Variants in TAFA4 observed in about 807,000 individuals in gnomAD.
TAFA4 encodes TAFA chemokine like family member 4, also known as chemokine-like protein TAFA-4.
A neutral mutation model predicts 21.1 loss-of-function variants in TAFA4; 20 were observed. The observed-to-expected ratio is 0.95, with a 90% CI of 0.67 to 1.38. The LOEUF is 1.38. Ranked by LOEUF, TAFA4 falls within the 40% of genes most tolerant of loss-of-function variation. The pLI is 0.00. For missense variants in TAFA4, 211 were observed against 180.9 expected, an observed-to-expected ratio of 1.17 and a Z score of -0.95; for synonymous variants, 71 against 67.4, an observed-to-expected ratio of 1.05 and a Z score of -0.26.
intron 1 of TAFA4, among the ~76,000 whole-genome samples, chr3:68,894,859 T>TGTTTG (rs1184905089): frequency 9.2e-5 from 14 of 152,088 alleles, no homozygotes; most frequent in African/African-American, 3.4e-4. Context: ...TGTTTTGTTT[T>TGTTTG]GTTTTGTTTT....
intron 3 of TAFA4, among the ~76,000 whole-genome samples, chr3:68,759,919 A>G (rs1247190989): frequency 6.6e-6 from 1 of 152,022 alleles, no homozygotes; most frequent in Non-Finnish European, 1.5e-5. Context: ...ATTTCTATTT[A>G]TTTTACCAAC....
intron 3 of TAFA4, among the ~76,000 whole-genome samples, chr3:68,843,230 T>G (rs563157068): frequency 6.6e-6 from 1 of 152,324 alleles, no homozygotes; most frequent in African/African-American, 2.4e-5. Context: ...TAGTTCCCCA[T>G]GAGGACGTCC....
chr3:68,797,639 G>GC (rs1418962654), intron 3 of TAFA4, among the ~76,000 whole-genome samples: 2 of 149,668 alleles, frequency 1.3e-5, no homozygotes, highest in Non-Finnish European at 3.0e-5. Context: ...AAAAAGGAAG[G>GC]CAGTTCTGAC....
chr3:68,857,902 T>G (rs1407709479), intron 3 of TAFA4, among the ~76,000 whole-genome samples: 1 of 152,114 alleles, frequency 6.6e-6, no homozygotes, highest in Admixed American at 6.5e-5. Flanking sequence ...AAGCTCTGAT[T>G]CTAGTTCAGA....
At chr3:68,912,845 C>A (rs2089972907) in intron 1 of TAFA4, among the ~76,000 whole-genome samples, 1 of 152,280 alleles carries the variant, frequency 6.6e-6, no homozygotes, top group Non-Finnish European at 1.5e-5. Flanking sequence ...ACTGAGTTTT[C>A]TAGTATTTTC....
At chr3:68,761,923 A>T (rs1702761682) in intron 3 of TAFA4, among the ~76,000 whole-genome samples, 1 of 152,178 alleles carries the variant, frequency 6.6e-6, no homozygotes, top group African/African-American at 2.4e-5. Context: ...TTTGAACAAG[A>T]ATGGAGTCGT....
chr3:68,823,167 G>A (rs760606709), intron 3 of TAFA4, among the ~76,000 whole-genome samples: 7 of 152,086 alleles, frequency 4.6e-5, no homozygotes, highest in Non-Finnish European at 8.8e-5. Context: ...AGGCTTGAAG[G>A]GGTCGACAGA....
intron 3 of TAFA4, among the ~76,000 whole-genome samples, chr3:68,849,782 A>G (rs1180226674): frequency 6.6e-6 from 1 of 152,174 alleles, no homozygotes; most frequent in African/African-American, 2.4e-5. Context: ...CTTCATTCAC[A>G]TTGTATCTTA....
At chr3:68,768,024 A>G (rs576219508) in intron 3 of TAFA4, among the ~76,000 whole-genome samples, 171 of 152,234 alleles carry the variant, frequency 1.1e-3, no homozygotes, top group African/African-American at 3.9e-3. Flanking sequence ...TGCACACACA[A>G]CTTGTTATAA....
At position 68,803,033 on chromosome 3, in the gene TAFA4, C is replaced by T. The variant is rs140807956; in HGVS notation, c.131-50015G>A. 3.3e-3 allele frequency among the ~76,000 whole-genome samples: 503 copies of T among 152,234 alleles called. 1 individual carries two copies. The highest frequency in any genetic ancestry group is 0.012 in the African/African-American group (483 of 41,542). ...TGTTCTAGCTTTTTTTCCCTTGTTC[C>T]CTTCTTCCTAATTCAGTACCTGAAA... On this transcript the variant is annotated intron_variant, in intron 3 of 5. Coordinates refer to ENST00000295569, the MANE Select transcript of TAFA4 (RefSeq NM_182522.5).
At chr3:68,809,648 A>T (rs1358409912) in intron 3 of TAFA4, among the ~76,000 whole-genome samples, 1 of 151,762 alleles carries the variant, frequency 6.6e-6, no homozygotes, top group Non-Finnish European at 1.5e-5. Flanking sequence ...GATCAGTGTC[A>T]TAAAGCTTTT....
At position 68,879,123 on chromosome 3, in the gene TAFA4, A is replaced by T. The variant is rs371094267; in HGVS notation, c.130+1607T>A. ...GCCATCATTTCTTTAATTGGCCAGC[A>T]CTAACCATGAAGCCCATGGGACAGT... is the stretch of plus-strand genomic sequence containing the variant. On this transcript the variant is annotated intron_variant, in intron 3 of 5. Transcript: ENST00000295569. 2.0e-4 allele frequency among the ~76,000 whole-genome samples: 30 copies of T among 152,272 alleles called. No homozygotes were observed. In the South Asian group the frequency reaches 3.7e-3, roughly 19 times the overall value.
intron 3 of TAFA4, among the ~76,000 whole-genome samples, chr3:68,809,411 A>G (rs1001697331): frequency 6.6e-6 from 1 of 152,200 alleles, no homozygotes; most frequent in Admixed American, 6.6e-5. Flanking sequence ...ACTTGTCTAG[A>G]AATATAATTG....
chr3:68,899,702 A>G (rs2089825592), intron 1 of TAFA4, among the ~76,000 whole-genome samples: 1 of 152,182 alleles, frequency 6.6e-6, no homozygotes, highest in Admixed American at 6.5e-5. Flanking sequence ...TCACGATCCC[A>G]TAACTCCAAC....
chr3:68,781,454 T>A (rs991808), intron 3 of TAFA4, among the ~76,000 whole-genome samples: 104,525 of 151,854 alleles, frequency 0.69, 36,502 homozygotes, highest in East Asian at 0.98. Context: ...ACATCACTAC[T>A]GATTATATTG....
At chr3:68,745,485 A>T (rs1702440994) in intron 4 of TAFA4, among the ~76,000 whole-genome samples, 1 of 152,198 alleles carries the variant, frequency 6.6e-6, no homozygotes. Context: ...CCTGTCTTCA[A>T]GCTGCCAACC....
chr3:68,739,959 A>G (rs1408309258), intron 4 of TAFA4, among the ~76,000 whole-genome samples: 2 of 152,192 alleles, frequency 1.3e-5, no homozygotes, highest in African/African-American at 2.4e-5. Context: ...CTTCACCACT[A>G]TGTACCCTTA....
chr3:68,860,032 A>G (rs1468698754), intron 3 of TAFA4, among the ~76,000 whole-genome samples: 2 of 152,124 alleles, frequency 1.3e-5, no homozygotes, highest in Non-Finnish European at 2.9e-5. Context: ...TTAGGACCTA[A>G]GGTCCCAACT....
intron 1 of TAFA4, among the ~76,000 whole-genome samples, chr3:68,923,267 C>T (rs112714856): frequency 0.01 from 1,545 of 152,246 alleles, 28 homozygotes; most frequent in African/African-American, 0.035. Context: ...ACATGGGGTG[C>T]TTAAAAAGGA....
Sources: allele counts gnomAD v4.1 joint callset (sites outside exome capture counted in the v4.1 genomes callset), GRCh38; gene constraint gnomAD v4.1.1; transcripts MANE v1.5; gene names NCBI Gene and HGNC (gene_info 2026-07-23, HGNC 2026-07-21).